The following KIAA1958 variants were observed in gnomAD, a reference collection of about 807,000 sequenced individuals.
KIAA1958 encodes uncharacterized protein KIAA1958.
Under a neutral mutation model 47.2 loss-of-function variants are expected in KIAA1958, and 14 were observed. The ratio of observed to expected loss-of-function variants is 0.30; its 90% CI spans 0.20 to 0.46. The LOEUF (loss-of-function observed/expected upper bound fraction) is 0.46, where lower values mean the gene tolerates loss of function less well. Among genes scored for constraint, KIAA1958 ranks in the 20% least tolerant of loss-of-function variants. The pLI is 1.00. For missense variants in KIAA1958, 803 were observed against 909.2 expected (o/e 0.88, Z 1.50); for synonymous variants, 354 against 353.3 (o/e 1.00, Z -0.02).
Position 112,600,612 on chromosome 9 carries a change from A to G in KIAA1958, c.1171+25361A>G, listed in dbSNP as rs550312508. Among the ~76,000 whole-genome samples the G allele has an allele frequency of 3.3e-5, 5 of 152,292 alleles. No homozygotes were observed. In the South Asian group the frequency reaches 1.0e-3, roughly 32 times the overall value. On this transcript the variant is annotated intron_variant, in intron 2 of 3. Coordinates refer to ENST00000337530, the MANE Select transcript of KIAA1958 (RefSeq NM_133465.4). ...CGGTCTCCTAAAAGCTGTTTTAGAT[A>G]TAGATATTAACTCTGGTTGTTCACA... is the stretch of plus-strand genomic sequence containing the variant.
At chr9:112,535,846 CTT>C (rs1834845982) in intron 1 of KIAA1958, among the ~76,000 whole-genome samples, 1 of 152,050 alleles carries the variant, frequency 6.6e-6, no homozygotes, top group Admixed American at 6.6e-5. Flanking sequence ...ATGTTGAACA[CTT>C]TTTTTCATCT....
At chr9:112,658,081 T>C (rs1474986766) in intron 3 of KIAA1958, among the ~76,000 whole-genome samples, 1 of 152,194 alleles carries the variant, frequency 6.6e-6, no homozygotes, top group Non-Finnish European at 1.5e-5. Context: ...GGTCTTGAAC[T>C]CCTGACTTCA....
chr9:112,491,373 T>G (rs539406208), intron 1 of KIAA1958, among the ~76,000 whole-genome samples: 1 of 152,348 alleles, frequency 6.6e-6, no homozygotes, highest in Admixed American at 6.5e-5. Context: ...TTTTTTCTTC[T>G]CTGCATGAAC....
At chr9:112,643,458 T>C (rs992733081) in intron 2 of KIAA1958, among the ~76,000 whole-genome samples, 2 of 152,344 alleles carry the variant, frequency 1.3e-5, no homozygotes, top group African/African-American at 4.8e-5. Flanking sequence ...CATCAATTAG[T>C]GCTACGTATA....
At chr9:112,518,176 CTT>C (rs1171150193) in intron 1 of KIAA1958, among the ~76,000 whole-genome samples, 1 of 151,716 alleles carries the variant, frequency 6.6e-6, no homozygotes, top group African/African-American at 2.4e-5. Flanking sequence ...GACCTTGACT[CTT>C]AAAAAATTGA....
At chr9:112,498,024 C>T (rs184549681) in intron 1 of KIAA1958, among the ~76,000 whole-genome samples, 89 of 152,214 alleles carry the variant, frequency 5.8e-4, no homozygotes, top group African/African-American at 1.9e-3. Context: ...TTAGTAATAG[C>T]TTTTCCAGTG....
intron 3 of KIAA1958, among the ~76,000 whole-genome samples, chr9:112,651,109 A>G (rs1837048597): frequency 2.0e-5 from 3 of 152,198 alleles, no homozygotes; most frequent in African/African-American, 7.2e-5. Context: ...TTGGTAATTT[A>G]TAGAACAAGT....
chr9:112,604,942 A>G (rs1257159976), intron 2 of KIAA1958, among the ~76,000 whole-genome samples: 2 of 147,448 alleles, frequency 1.4e-5, no homozygotes, highest in Admixed American at 6.8e-5. Flanking sequence ...TATGTAATAT[A>G]TATTTTAATA....
chr9:112,536,643 C>T (rs1317903270), intron 1 of KIAA1958, among the ~76,000 whole-genome samples: 2 of 152,032 alleles, frequency 1.3e-5, no homozygotes, highest in African/African-American at 2.4e-5. Context: ...ACTACTTGGG[C>T]GTGGTGGTGC....
intron 1 of KIAA1958, among the ~76,000 whole-genome samples, chr9:112,511,857 C>T (rs1834330902): frequency 6.6e-6 from 1 of 152,072 alleles, no homozygotes; most frequent in African/African-American, 2.4e-5. Flanking sequence ...AATGTGAATT[C>T]TACAGATATT....
At chr9:112,610,232 C>G (rs1588038659) in intron 2 of KIAA1958, among the ~76,000 whole-genome samples, 1 of 151,244 alleles carries the variant, frequency 6.6e-6, no homozygotes, top group Admixed American at 6.6e-5. Flanking sequence ...TAACCCAGTA[C>G]TCAGAGGAAA....
intron 1 of KIAA1958, among the ~76,000 whole-genome samples, chr9:112,498,677 A>G (rs967598333): frequency 1.1e-4 from 16 of 152,202 alleles, no homozygotes; most frequent in African/African-American, 3.1e-4. Flanking sequence ...GATACAGAGT[A>G]ATATTTCAAT....
chr9:112,625,593 A>G (rs1354764086), intron 2 of KIAA1958, among the ~76,000 whole-genome samples: 1 of 152,162 alleles, frequency 6.6e-6, no homozygotes, highest in Non-Finnish European at 1.5e-5. Context: ...CTTCCTGTCC[A>G]CAGGTAGAGT....
intron 1 of KIAA1958, among the ~76,000 whole-genome samples, chr9:112,544,535 T>C (rs1400382476): frequency 1.5e-5 from 2 of 131,548 alleles, no homozygotes; most frequent in East Asian, 4.4e-4. Context: ...TAAGTCAGGA[T>C]TGGTGAAGGG....
At chr9:112,556,929 A>G (rs905357938) in intron 1 of KIAA1958, among the ~76,000 whole-genome samples, 11 of 152,172 alleles carry the variant, frequency 7.2e-5, no homozygotes, top group African/African-American at 2.7e-4. Flanking sequence ...CATATTTCAG[A>G]TCACAGTATT....
chr9:112,509,355 C>A (rs1018397430), intron 1 of KIAA1958, among the ~76,000 whole-genome samples: 2 of 152,104 alleles, frequency 1.3e-5, no homozygotes, highest in Non-Finnish European at 2.9e-5. Flanking sequence ...TGTGTGCCAC[C>A]ATGCCCGGCT....
chr9:112,587,728 A>G (rs1195024468), intron 2 of KIAA1958, among the ~76,000 whole-genome samples: 3 of 152,168 alleles, frequency 2.0e-5, no homozygotes, highest in Admixed American at 6.5e-5. Context: ...ATGGTAATAC[A>G]TATATATGGC....
At chr9:112,639,207 G>T (rs982743984) in intron 2 of KIAA1958, among the ~76,000 whole-genome samples, 4 of 152,178 alleles carry the variant, frequency 2.6e-5, no homozygotes, top group African/African-American at 7.2e-5. Flanking sequence ...TATTGGAAAA[G>T]GATCTAATCA....
At chr9:112,629,625 C>T (rs879654170) in intron 2 of KIAA1958, among the ~76,000 whole-genome samples, 1 of 152,204 alleles carries the variant, frequency 6.6e-6, no homozygotes, top group Non-Finnish European at 1.5e-5. Flanking sequence ...AAGATGTTCT[C>T]ATCTTTGTCG....
Sources: gnomAD v4.1 joint callset for allele counts (sites outside exome capture counted in the v4.1 genomes callset) on GRCh38, gnomAD v4.1.1 for gene constraint, MANE v1.5 for transcripts, NCBI Gene and HGNC (gene_info 2026-07-23, HGNC 2026-07-21) for gene names.